The following AUH variants were observed in gnomAD, a reference collection of about 807,000 sequenced individuals.
AUH encodes the protein AU RNA binding methylglutaconyl-CoA hydratase, also known as methylglutaconyl-CoA hydratase, mitochondrial.
A neutral mutation model predicts 42.3 loss-of-function variants in AUH; 29 were observed. The ratio of observed to expected loss-of-function variants is 0.69; its 90% confidence interval spans 0.51 to 0.93. AUH has a LOEUF of 0.93. AUH is among the 40% of genes least tolerant of loss of function. AUH has a pLI of 0.00. For missense variants in AUH, 452 were observed against 438.1 expected (o/e 1.03, Z -0.28); for synonymous variants, 174 against 166.4 (o/e 1.05, Z -0.35).
chr9:91,307,105 G>C (rs1363771449), intron 4 of AUH, among the ~76,000 whole-genome samples: 1 of 152,176 alleles, frequency 6.6e-6, no homozygotes, highest in Non-Finnish European at 1.5e-5. Context: ...GCAAAAGAAA[G>C]AGACAGCAAA....
Position 91,296,010 on chromosome 9 carries a change from A to T in AUH, c.655+11T>A, listed in dbSNP as rs1201309138. On this transcript the variant is annotated intron_variant, in intron 6 of 9. Transcript: ENST00000375731. Reference sequence around the variant, plus strand: ...TCAAGGATTTGAGGAATGGGCGTGAACTACTCATACCTCCACCAGGAATAA... The same window carrying T: ...TCAAGGATTTGAGGAATGGGCGTGATCTACTCATACCTCCACCAGGAATAA... 8.1e-6 allele frequency: 13 copies of T among 1,613,852 alleles called. No homozygotes were observed. Among genetic ancestry groups the T allele is most frequent in the Non-Finnish European group, 1.0e-5 (12 of 1,179,906 alleles).
chr9:91,361,050 C>T (rs139942744), intron 1 of AUH, among the ~76,000 whole-genome samples: 28 of 152,288 alleles, frequency 1.8e-4, no homozygotes, highest in African/African-American at 6.7e-4. Flanking sequence ...AGATCCATAC[C>T]ATCCACATTC....
chr9:91,340,524 G>T (rs1831028627), intron 3 of AUH, among the ~76,000 whole-genome samples: 1 of 152,068 alleles, frequency 6.6e-6, no homozygotes, highest in East Asian at 1.9e-4. Context: ...CTTCAACTCA[G>T]GGAGTTTTTA....
chr9:91,293,364 C>T (rs183894528), intron 6 of AUH, among the ~76,000 whole-genome samples: 10 of 152,302 alleles, frequency 6.6e-5, no homozygotes, highest in African/African-American at 2.4e-4. Context: ...TGCAAAGCAA[C>T]GTTTCTTGAA....
At chr9:91,306,192 A>G (rs1283284989) in intron 4 of AUH, 1 of 225,250 alleles carries the variant, frequency 4.4e-6, no homozygotes, top group Non-Finnish European at 7.4e-6. Context: ...ATTAAAATAA[A>G]AAGGGCCAAC....
chr9:91,359,122 C>A (rs757699156), intron 1 of AUH, among the ~76,000 whole-genome samples: 1 of 152,192 alleles, frequency 6.6e-6, no homozygotes, highest in African/African-American at 2.4e-5. Context: ...GTAACAAGGT[C>A]ACATCACAGC....
Position 91,221,372 on chromosome 9 carries a change from ATTC to A in AUH, c.656-383_656-381del, listed in dbSNP as rs377120924. ...AAGGCAGAGTTCCACCAAGCTTGGC[ATTC>A]TTCTTTCAGCTTAAATAAATCTTAA... On this transcript the variant is annotated intron_variant, in intron 6 of 9. Coordinates refer to ENST00000375731, the MANE Select transcript of AUH (RefSeq NM_001698.3). Among the ~76,000 whole-genome samples, 1,049 of 152,356 alleles carry A rather than the reference ATTC, an allele frequency of 6.9e-3. 10 individuals are homozygous for A. Among genetic ancestry groups the A allele is most frequent in the Non-Finnish European group, 9.5e-3 (646 of 68,028 alleles).
intron 7 of AUH, among the ~76,000 whole-genome samples, chr9:91,219,205 G>A (rs1826994085): frequency 6.6e-6 from 1 of 152,208 alleles, no homozygotes. Flanking sequence ...GGGAGAGAGA[G>A]CAAGTCAGGC....
intron 4 of AUH, among the ~76,000 whole-genome samples, chr9:91,303,998 G>A (rs1002513018): frequency 1.3e-5 from 2 of 152,176 alleles, no homozygotes; most frequent in African/African-American, 4.8e-5. Context: ...TGAGAGATGG[G>A]AGTTCAAAGT....
chr9:91,256,008 T>C lies in AUH; in HGVS notation c.656-35016A>G, dbSNP rs182836842. On this transcript the variant is annotated intron_variant, in intron 6 of 9. Coordinates refer to ENST00000375731, the MANE Select transcript of AUH (RefSeq NM_001698.3). ...TTTATAGGAATTAAATATAATTAAATTTAAATAATGTCATGTAAACATTTT... is the reference window on the plus strand; with the variant it reads ...TTTATAGGAATTAAATATAATTAAACTTAAATAATGTCATGTAAACATTTT... 2.2e-4 allele frequency among the ~76,000 whole-genome samples: 32 copies of C among 144,806 alleles called. 1 individual carries two copies. In the East Asian group the frequency reaches 7.0e-3, roughly 31 times the overall value. The allele number at this position is 144,806 out of a possible 152,430, so 95.0% of individuals were successfully genotyped here. A position where few individuals can be genotyped will look rare whatever the true frequency, so the allele number is the denominator to read the frequency against.
chr9:91,264,885 G>A (rs183424135), intron 6 of AUH, among the ~76,000 whole-genome samples: 1 of 152,180 alleles, frequency 6.6e-6, no homozygotes, highest in East Asian at 1.9e-4. Context: ...TACACCTCAG[G>A]TACAGAATTC....
intron 3 of AUH, among the ~76,000 whole-genome samples, chr9:91,331,454 C>A (rs1213108551): frequency 6.6e-6 from 1 of 152,160 alleles, no homozygotes; most frequent in Non-Finnish European, 1.5e-5. Context: ...TAATTTAATA[C>A]CTGGTTCTCA....
At chr9:91,303,325 C>T (rs1052336551) in intron 4 of AUH, among the ~76,000 whole-genome samples, 1 of 152,060 alleles carries the variant, frequency 6.6e-6, no homozygotes, top group Non-Finnish European at 1.5e-5. Flanking sequence ...ATGTTAGTGT[C>T]AGACGCATGA....
chr9:91,217,411 C>A, intron 7 of AUH, 84 bp from the exon 8 acceptor site: 3 of 1,420,524 alleles, frequency 2.1e-6, no homozygotes, highest in Middle Eastern at 1.8e-4. Flanking sequence ...AGAATTCCCA[C>A]CACTGGATCC....
chr9:91,233,813 T>C (rs769257655), intron 6 of AUH, among the ~76,000 whole-genome samples: 17 of 152,002 alleles, frequency 1.1e-4, no homozygotes, highest in Non-Finnish European at 1.3e-4. Context: ...TCATGTAAGG[T>C]TGTGGTTTTT....
At chr9:91,302,692 C>T (rs1202223836) in intron 4 of AUH, among the ~76,000 whole-genome samples, 1 of 152,134 alleles carries the variant, frequency 6.6e-6, no homozygotes, top group Non-Finnish European at 1.5e-5. Flanking sequence ...TTGCTTGAAC[C>T]CTGGAGGCAG....
intron 6 of AUH, among the ~76,000 whole-genome samples, chr9:91,252,949 G>A (rs1231154263): frequency 6.6e-6 from 1 of 151,892 alleles, no homozygotes; most frequent in African/African-American, 2.4e-5. Context: ...TGATTTTTTT[G>A]GTTGTCTTTT....
intron 6 of AUH, among the ~76,000 whole-genome samples, chr9:91,285,983 TA>T (rs927818906): frequency 6.6e-6 from 1 of 151,988 alleles, no homozygotes; most frequent in Non-Finnish European, 1.5e-5. Context: ...GCCTCTTTTT[TA>T]AAAAAAATCG....
intron 4 of AUH, among the ~76,000 whole-genome samples, chr9:91,318,978 A>G (rs1031991810): frequency 2.6e-4 from 39 of 152,350 alleles, no homozygotes; most frequent in Admixed American, 2.3e-3. Flanking sequence ...TTTTGGTTAC[A>G]TGACTATTCC....
Sources: allele counts gnomAD v4.1 joint callset (sites outside exome capture counted in the v4.1 genomes callset), GRCh38; gene constraint gnomAD v4.1.1; transcripts MANE v1.5; gene names NCBI Gene and HGNC (gene_info 2026-07-23, HGNC 2026-07-21).